SDK1: variants seen among roughly 807,000 people sequenced by gnomAD.
SDK1 encodes the protein protein sidekick-1.
Under a neutral mutation model 245.5 loss-of-function variants are expected in SDK1, and 157 were observed. The ratio of observed to expected loss-of-function variants is 0.64; its 90% CI spans 0.56 to 0.73. SDK1 has a LOEUF of 0.73. Ranked by LOEUF, SDK1 falls within the 30% of genes least tolerant of loss-of-function variation. The pLI is 0.00. For missense variants in SDK1, 3,583 were observed against 3,002.3 expected (o/e 1.19, Z -4.52); for synonymous variants, 1,647 against 1,278.5 (o/e 1.29, Z -6.15).
intron 28 of SDK1, among the ~76,000 whole-genome samples, chr7:4,141,473 C>A (rs979564512): frequency 6.6e-5 from 10 of 152,230 alleles, no homozygotes; most frequent in African/African-American, 2.4e-4. Context: ...GAAAACACGT[C>A]TGTAACCATG....
intron 4 of SDK1, among the ~76,000 whole-genome samples, chr7:3,644,849 A>T (rs1442102474): frequency 6.6e-6 from 1 of 151,286 alleles, no homozygotes; most frequent in Non-Finnish European, 1.5e-5. Flanking sequence ...ATTCTTGTAT[A>T]AATATTCTAG....
intron 5 of SDK1, among the ~76,000 whole-genome samples, chr7:3,866,053 A>G (rs1194415829): frequency 6.6e-6 from 1 of 152,238 alleles, no homozygotes; most frequent in African/African-American, 2.4e-5. Context: ...GCAGAGTGAC[A>G]GAATACAGAA....
rs927405066 is a variant in SDK1 at position 4,174,496 on chromosome 7, C to G, written c.4936+139C>G. The G allele has an allele frequency of 4.0e-6, 4 of 1,011,198 alleles. No homozygotes were observed. The South Asian group carries it at 4.6e-5, about 12-fold the overall frequency. 62.6% of individuals were successfully genotyped at this position (1,011,198 alleles called of 1,614,324 possible). ...CAGCCCTGCCCTCAGGAACAGGGAG[C>G]AGGCGGGTTTACCCACCAGGGGCAC... On this transcript the variant is annotated intron_variant, in intron 33 of 44. Coordinates refer to ENST00000404826, the MANE Select transcript of SDK1 (RefSeq NM_152744.4).
chr7:3,766,285 A>G (rs1288368345), intron 4 of SDK1, among the ~76,000 whole-genome samples: 2 of 152,236 alleles, frequency 1.3e-5, no homozygotes, highest in Non-Finnish European at 2.9e-5. Flanking sequence ...TTCTAAATTC[A>G]TGCCTCAAGA....
At chr7:3,583,802 C>T (rs979257924) in intron 1 of SDK1, among the ~76,000 whole-genome samples, 1 of 151,976 alleles carries the variant, frequency 6.6e-6, no homozygotes, top group African/African-American at 2.4e-5. Flanking sequence ...GCGGCATCTG[C>T]AACAGTAGAA....
At chr7:3,598,881 ATTTAGCTT>A (rs1471000545) in intron 1 of SDK1, among the ~76,000 whole-genome samples, 2 of 152,022 alleles carry the variant, frequency 1.3e-5, no homozygotes, top group Non-Finnish European at 2.9e-5. Context: ...CGTGGGCTGT[ATTTAGCTT>A]TTGGCTGTCA....
At chr7:4,021,850 C>A (rs1425232352) in intron 17 of SDK1, among the ~76,000 whole-genome samples, 2 of 152,248 alleles carry the variant, frequency 1.3e-5, no homozygotes, top group African/African-American at 4.8e-5. Context: ...TTCTGCCTCA[C>A]TTTCTAAGTG....
intron 1 of SDK1, among the ~76,000 whole-genome samples, chr7:3,310,891 T>A (rs1779533289): frequency 1.3e-5 from 2 of 152,236 alleles, no homozygotes; most frequent in South Asian, 4.1e-4. Flanking sequence ...AATTGTGTAA[T>A]GATTCTGCCT....
chr7:3,501,650 G>T (rs887422593), intron 1 of SDK1, among the ~76,000 whole-genome samples: 10 of 152,276 alleles, frequency 6.6e-5, no homozygotes, highest in African/African-American at 2.2e-4. Flanking sequence ...TCCACTGTGT[G>T]TACTTTTCCA....
chr7:4,023,181 A>C (rs940189709), intron 17 of SDK1, among the ~76,000 whole-genome samples: 1 of 152,134 alleles, frequency 6.6e-6, no homozygotes, highest in African/African-American at 2.4e-5. Context: ...CCTTGGACAC[A>C]TGGGGATTAC....
In SDK1 at chr7:3,386,805, T is replaced by C. The variant is rs1781620591; in HGVS notation, c.298+84921T>C. 2.6e-5 allele frequency among the ~76,000 whole-genome samples: 4 copies of C among 152,190 alleles called. No individual in the cohort carries two copies. The South Asian group carries it at 8.3e-4, about 32-fold the overall frequency. ...AGCTGCTATCACCATGTTTATCTTTTGGGGGACTGGATGCTGCTCCTTCTT... is the reference window on the plus strand; with the variant it reads ...AGCTGCTATCACCATGTTTATCTTTCGGGGGACTGGATGCTGCTCCTTCTT... On this transcript the variant is annotated intron_variant, in intron 1 of 44. Transcript: ENST00000404826.
chr7:3,900,407 A>G (rs986028175), intron 5 of SDK1, among the ~76,000 whole-genome samples: 1 of 152,144 alleles, frequency 6.6e-6, no homozygotes, highest in Non-Finnish European at 1.5e-5. Flanking sequence ...TTTCATCCCC[A>G]GGTTGGTTAT....
intron 14 of SDK1, among the ~76,000 whole-genome samples, chr7:3,998,075 C>T (rs929616015): frequency 6.6e-6 from 1 of 152,124 alleles, no homozygotes; most frequent in Non-Finnish European, 1.5e-5. Context: ...TCCCAGCCCG[C>T]CAAGAGCACA....
intron 7 of SDK1, among the ~76,000 whole-genome samples, chr7:3,956,693 G>T (rs961095651): frequency 6.6e-5 from 10 of 152,250 alleles, no homozygotes; most frequent in Non-Finnish European, 1.5e-4. Flanking sequence ...ACTATGGAGA[G>T]TGTGGAGTGG....
chr7:4,069,308 T>C (rs1474523332), intron 20 of SDK1, among the ~76,000 whole-genome samples: 2 of 152,192 alleles, frequency 1.3e-5, no homozygotes, highest in Admixed American at 1.3e-4. Flanking sequence ...CATCTGTTTT[T>C]TTTCTAAACA....
At chr7:4,204,658 A>G (rs1308980515) in intron 35 of SDK1, among the ~76,000 whole-genome samples, 1 of 152,112 alleles carries the variant, frequency 6.6e-6, no homozygotes, top group African/African-American at 2.4e-5. Flanking sequence ...ATGGTCCGTA[A>G]AGACACTCAG....
chr7:4,055,886 C>T lies in SDK1; in HGVS notation c.2911+4056C>T, dbSNP rs557568371. Among the ~76,000 whole-genome samples, 9 of 152,088 alleles carry T rather than the reference C, an allele frequency of 5.9e-5. No homozygotes were observed. The South Asian group carries it at 1.7e-3, about 28-fold the overall frequency. On this transcript the variant is annotated intron_variant, in intron 19 of 44. Transcript: ENST00000404826. Reference sequence around the variant, plus strand: ...TTTCCTTTGAGATACTCTCTGTGACCCATGAATTAATTGGAAGTGTGCTGT... The same window carrying T: ...TTTCCTTTGAGATACTCTCTGTGACTCATGAATTAATTGGAAGTGTGCTGT...
intron 5 of SDK1, among the ~76,000 whole-genome samples, chr7:3,844,755 T>C (rs2115093315): frequency 6.6e-6 from 1 of 152,324 alleles, no homozygotes; most frequent in Admixed American, 6.5e-5. Context: ...GCCCAAGGCC[T>C]TGGAGACAGA....
chr7:3,614,877 T>C (rs547293146), intron 1 of SDK1, among the ~76,000 whole-genome samples: 8 of 144,100 alleles, frequency 5.6e-5, no homozygotes, highest in South Asian at 2.1e-4. Context: ...TCTCGAGATA[T>C]TTGCTTGCCA....
Sources: gnomAD v4.1 joint callset for allele counts (sites outside exome capture counted in the v4.1 genomes callset) on GRCh38, gnomAD v4.1.1 for gene constraint, MANE v1.5 for transcripts, NCBI Gene and HGNC (gene_info 2026-07-23, HGNC 2026-07-21) for gene names.